Variants in OPA1 observed in about 807,000 individuals in gnomAD.
OPA1 encodes the protein dynamin-like GTPase OPA1, mitochondrial.
OPA1 carries 59 observed loss-of-function variants against 152.9 expected under a neutral mutation model. The observed-to-expected ratio is 0.39, with a 90% CI of 0.31 to 0.48. The LOEUF is 0.48. OPA1 is among the 20% of genes least tolerant of loss of function. The pLI is 0.96. For missense variants in OPA1, 1,008 were observed against 1,216.8 expected, an observed-to-expected ratio of 0.83 and a Z score of 2.55; for synonymous variants, 400 against 389.9, an observed-to-expected ratio of 1.03 and a Z score of -0.31.
intron 29 of OPA1, chr3:193,668,468 C>T (rs1455058933): frequency 6.4e-7 from 1 of 1,550,532 alleles, no homozygotes; most frequent in East Asian, 2.4e-5. Context: ...GAGCTCTGCT[C>T]TGACGCTTTG....
intron 3 of OPA1, among the ~76,000 whole-genome samples, chr3:193,616,236 TC>T (rs1226053558): frequency 2.0e-5 from 3 of 152,124 alleles, no homozygotes; most frequent in Non-Finnish European, 4.4e-5. Context: ...AGTCTCAAAT[TC>T]CTTAGCTCAA....
chr3:193,636,266 A>G (rs746751389), intron 9 of OPA1, among the ~76,000 whole-genome samples: 1 of 151,652 alleles, frequency 6.6e-6, no homozygotes, highest in Admixed American at 6.6e-5. Flanking sequence ...AACAGATAAC[A>G]TGACTATTTA....
At chr3:193,619,445 C>T (rs139561616) in intron 6 of OPA1, among the ~76,000 whole-genome samples, 1,844 of 152,198 alleles carry the variant, frequency 0.012, 17 homozygotes, top group Middle Eastern at 0.02. Context: ...TAAATCAATT[C>T]CCTGATATTG....
intron 11 of OPA1, among the ~76,000 whole-genome samples, chr3:193,641,672 T>G (rs911935391): frequency 6.6e-6 from 1 of 152,240 alleles, no homozygotes; most frequent in Admixed American, 6.5e-5. Context: ...TTCCAACAGC[T>G]GTTTATTGTT....
chr3:193,607,580 T>C (rs548151983), intron 1 of OPA1, among the ~76,000 whole-genome samples: 45 of 152,316 alleles, frequency 3.0e-4, no homozygotes, highest in African/African-American at 1.0e-3. Flanking sequence ...GTTGTAGATA[T>C]GCGGCGTTAT....
At chr3:193,681,284 T>A (rs1407830329) in intron 29 of OPA1, among the ~76,000 whole-genome samples, 1 of 152,238 alleles carries the variant, frequency 6.6e-6, no homozygotes, top group Non-Finnish European at 1.5e-5. Flanking sequence ...ACTTTTAGAA[T>A]ATTGTGGTGT....
chr3:193,642,905 AAGAC>A, intron 12 of OPA1, 60 bp downstream of exon 12: 3 of 1,565,024 alleles, frequency 1.9e-6, no homozygotes, highest in Non-Finnish European at 2.6e-6. Context: ...GAGCTTATAA[AAGAC>A]AGTTAAAGAA....
chr3:193,644,254 A>G (rs1316232916), intron 16 of OPA1, 149 bp downstream of exon 16: 3 of 900,676 alleles, frequency 3.3e-6, no homozygotes, highest in Non-Finnish European at 1.7e-6. Flanking sequence ...CAAAATCACA[A>G]AAGGAAATGG....
chr3:193,676,763 A>C (rs145087727), intron 29 of OPA1, among the ~76,000 whole-genome samples: 1 of 152,048 alleles, frequency 6.6e-6, no homozygotes, highest in Admixed American at 6.6e-5. Context: ...GGCGGATCAC[A>C]AGGTCAGGAG....
At chr3:193,664,395 A>C (rs550358615) in intron 26 of OPA1, among the ~76,000 whole-genome samples, 4 of 152,162 alleles carry the variant, frequency 2.6e-5, no homozygotes, top group Admixed American at 2.6e-4. Flanking sequence ...AATATTGGAC[A>C]CTCAGAGTAT....
rs750061842 is a variant in OPA1 at position 193,645,791 on chromosome 3, A to G, written c.1745A>G (p.Lys582Arg). ...EYEEEFFQNS[K>R]LLKTSMLKAH... The stretch of plus-strand genomic sequence containing the variant: ...GAAGAAGAGTTTTTTCAGAATTCAA[A>G]GCTCCTAAAGTAGGTATCTTGTTAA... Residue 582 changes from lysine to arginine, a missense_variant, in exon 18 of 31, where the codon AAG becomes AGG. Transcript: ENST00000361510. The G allele has an allele frequency of 1.4e-5, 22 of 1,610,418 alleles. No individual in the cohort carries two copies. Among genetic ancestry groups the G allele is most frequent in the South Asian group, 7.7e-5 (7 of 90,972 alleles).
chr3:193,604,598 C>T (rs1305838850), intron 1 of OPA1, among the ~76,000 whole-genome samples: 5 of 152,112 alleles, frequency 3.3e-5, no homozygotes, highest in African/African-American at 7.2e-5. Context: ...TGGTGGCTAA[C>T]GCCTGTAATC....
chr3:193,621,371 C>T (rs1180708657), intron 6 of OPA1, among the ~76,000 whole-genome samples: 1 of 152,190 alleles, frequency 6.6e-6, no homozygotes, highest in Non-Finnish European at 1.5e-5. Context: ...ACAGAATAAA[C>T]ATGATGAACC....
rs1446674835 is a variant in OPA1, at chr3:193,624,616, A to G, written c.679-1476A>G. On this transcript the variant is annotated intron_variant, in intron 6 of 30. Transcript: ENST00000361510. ...CTTTGATAGGTTTGTTAATGATCAT[A>G]AAACTGATTTATTTAAAGACATGTC... 2.6e-5 allele frequency among the ~76,000 whole-genome samples: 4 copies of G among 152,172 alleles called. No homozygotes were observed. The East Asian group carries it at 7.7e-4, about 29-fold the overall frequency.
intron 15 of OPA1, 103 bp from the exon 16 acceptor site, chr3:193,643,872 C>A: frequency 8.0e-7 from 1 of 1,253,864 alleles, no homozygotes; most frequent in South Asian, 1.3e-5. Context: ...GTATTAAAAT[C>A]TTTCTTGCTA....
Position 193,647,186 on chromosome 3 carries a change from T to C in OPA1, c.1870+6T>C. ...ACAGGCTGATAGTTTCAAAGGTAAG[T>C]TGGATTTTTTAAAGAAGCAAGCAAA... is the stretch of plus-strand genomic sequence containing the variant. On this transcript the variant is annotated splice_donor_region_variant and intron_variant, in intron 19 of 30. Transcript: ENST00000361510. The C allele has an allele frequency of 6.3e-7, 1 of 1,594,858 alleles. No homozygotes were observed. Among genetic ancestry groups the C allele is most frequent in the Non-Finnish European group, 8.6e-7 (1 of 1,164,192 alleles).
intron 9 of OPA1, among the ~76,000 whole-genome samples, chr3:193,635,798 G>A (rs1470768864): frequency 6.6e-6 from 1 of 151,996 alleles, no homozygotes; most frequent in Admixed American, 6.6e-5. Context: ...TTTATCTCTA[G>A]GCTTAACTTT....
chr3:193,657,103 A>G lies in OPA1; in HGVS notation c.2202A>G (p.Glu734=). 1 of 1,613,704 alleles carries G rather than the reference A, an allele frequency of 6.2e-7. No homozygotes were observed. Among genetic ancestry groups the G allele is most frequent in the Non-Finnish European group, 8.5e-7 (1 of 1,179,836 alleles). ...AVEVAWETLQ[E]EFSRFMTEPK... Reference sequence around the variant, plus strand: ...AGGTTGCTTGGGAGACCCTACAAGAAGAATTTTCCCGCTTTATGACAGAAC... The same window carrying G: ...AGGTTGCTTGGGAGACCCTACAAGAGGAATTTTCCCGCTTTATGACAGAAC... The change falls in exon 23 of 31, where the codon GAA becomes GAG. Residue 734 remains glutamate (E), a synonymous_variant. Transcript: ENST00000361510.
rs1715679340 is a variant in OPA1 at position 193,663,096 on chromosome 3, A to G, written c.2661+134A>G. On this transcript the variant is annotated intron_variant, in intron 26 of 30. Transcript: ENST00000361510. ...GTCACGTGTACATTTGCTGACAGTA[A>G]AAGCTTAGTCATTTTGATTGCGTGA... 7 of 822,924 alleles carry G rather than the reference A, an allele frequency of 8.5e-6. No individual in the cohort carries two copies. In the South Asian group the frequency reaches 1.2e-4, roughly 14 times the overall value. The allele number at this position is 822,924 out of a possible 1,614,324, so 51.0% of individuals were successfully genotyped here.
Sources: gnomAD v4.1 joint callset for allele counts (sites outside exome capture counted in the v4.1 genomes callset) on GRCh38, gnomAD v4.1.1 for gene constraint, MANE v1.5 for transcripts, NCBI Gene and HGNC (gene_info 2026-07-23, HGNC 2026-07-21) for gene names.